CTNND2: variants seen among roughly 807,000 people sequenced by gnomAD.
The protein encoded by CTNND2 is catenin delta-2.
A neutral mutation model predicts 144.4 loss-of-function variants in CTNND2; 22 were observed. The ratio of observed to expected loss-of-function variants is 0.15; its 90% CI spans 0.11 to 0.22. The LOEUF is 0.22. Among genes scored for constraint, CTNND2 ranks in the 10% least tolerant of loss-of-function variants. CTNND2 has a pLI of 1.00. For missense variants in CTNND2, 1,353 were observed against 1,618.8 expected, an observed-to-expected ratio of 0.84 and a Z score of 2.82; for synonymous variants, 751 against 695.6, an observed-to-expected ratio of 1.08 and a Z score of -1.25.
At position 11,903,360 on chromosome 5, in the gene CTNND2, A is replaced by G. The variant is rs1738063156; in HGVS notation, c.37+457T>C. Reference sequence around the variant, plus strand: ...TGGACGCATATGACTAAGTCTTTCCATTTTGTTCTAGCCAAACATCGTAAT... The same window carrying G: ...TGGACGCATATGACTAAGTCTTTCCGTTTTGTTCTAGCCAAACATCGTAAT... On this transcript the variant is annotated intron_variant, in intron 1 of 21. Transcript: ENST00000304623. The surrounding 1 kb of genome is among the most constrained non-coding windows in gnomAD (Gnocchi z 5.4). 10 of 992,110 alleles carry G rather than the reference A, an allele frequency of 1.0e-5. No homozygotes were observed. Among genetic ancestry groups the G allele is most frequent in the Non-Finnish European group, 1.2e-5 (10 of 834,656 alleles). 61.5% of individuals were successfully genotyped at this position (992,110 alleles called of 1,614,324 possible).
chr5:11,330,657 C>G lies in CTNND2; in HGVS notation c.1628+15715G>C, dbSNP rs761247559. 2.6e-5 allele frequency among the ~76,000 whole-genome samples: 4 copies of G among 151,664 alleles called. 1 individual carries two copies. Among genetic ancestry groups the G allele is most frequent in the African/African-American group, 2.4e-5 (1 of 41,338 alleles). On this transcript the variant is annotated intron_variant, in intron 9 of 21. Transcript: ENST00000304623. ...TGACCAACATGATGAACCCCCACCC[C>G]CTGTCTCTACTAAAAATGCAAAATT... is the stretch of plus-strand genomic sequence containing the variant.
At chr5:11,558,415 G>A (rs1192213666) in intron 3 of CTNND2, among the ~76,000 whole-genome samples, 1 of 151,772 alleles carries the variant, frequency 6.6e-6, no homozygotes, top group African/African-American at 2.4e-5. Flanking sequence ...GCCCAGGCTG[G>A]AGTGCAGTGG....
intron 2 of CTNND2, among the ~76,000 whole-genome samples, chr5:11,669,124 G>A (rs761461624): frequency 2.9e-4 from 44 of 152,082 alleles, no homozygotes; most frequent in Non-Finnish European, 4.6e-4. Flanking sequence ...CGACTTGATC[G>A]TGGTGGATAA....
chr5:11,089,693 C>T (rs1277707777), intron 15 of CTNND2, among the ~76,000 whole-genome samples: 1 of 152,196 alleles, frequency 6.6e-6, no homozygotes, highest in Non-Finnish European at 1.5e-5. Context: ...TAACCACTTC[C>T]ACAAAACGAC....
chr5:10,976,770 A>G (rs972566798), intron 21 of CTNND2, among the ~76,000 whole-genome samples: 1 of 152,222 alleles, frequency 6.6e-6, no homozygotes, highest in Non-Finnish European at 1.5e-5. Flanking sequence ...TTTGCCAGGA[A>G]ACTGGATTTA....
chr5:11,548,453 A>G (rs1371192675), intron 3 of CTNND2, among the ~76,000 whole-genome samples: 2 of 152,242 alleles, frequency 1.3e-5, no homozygotes, highest in Non-Finnish European at 2.9e-5. Context: ...CTATCTTAAA[A>G]TATAAGATTT....
At chr5:10,981,401 C>T (rs1033092723) in intron 21 of CTNND2, among the ~76,000 whole-genome samples, 1 of 152,192 alleles carries the variant, frequency 6.6e-6, no homozygotes, top group Non-Finnish European at 1.5e-5. Context: ...AATGCATTTG[C>T]AGGGTTACAG....
intron 2 of CTNND2, among the ~76,000 whole-genome samples, chr5:11,622,343 C>A (rs1011977231): frequency 3.3e-5 from 5 of 152,044 alleles, no homozygotes; most frequent in Non-Finnish European, 7.4e-5. Flanking sequence ...GATGACTGTA[C>A]CCTTGATTGA....
chr5:11,539,027 G>C (rs998487534), intron 3 of CTNND2, among the ~76,000 whole-genome samples: 25 of 151,898 alleles, frequency 1.6e-4, no homozygotes, highest in African/African-American at 5.1e-4. Flanking sequence ...TAATATTATT[G>C]CCATTAATTG....
intron 8 of CTNND2, among the ~76,000 whole-genome samples, chr5:11,359,606 G>A (rs140834898): frequency 2.9e-3 from 443 of 152,230 alleles, no homozygotes; most frequent in African/African-American, 7.8e-3. Context: ...TGGAGTCCTC[G>A]GGCAGGTGGG....
intron 1 of CTNND2, among the ~76,000 whole-genome samples, chr5:11,816,125 C>G (rs528003078): frequency 6.6e-6 from 1 of 152,328 alleles, no homozygotes; most frequent in South Asian, 2.1e-4. Context: ...GGGGCTGCCA[C>G]TTGCCTCCTG....
At chr5:11,596,735 G>C (rs115399240) in intron 2 of CTNND2, among the ~76,000 whole-genome samples, 2 of 152,246 alleles carry the variant, frequency 1.3e-5, no homozygotes, top group East Asian at 1.9e-4. Flanking sequence ...GTTCAGATGC[G>C]TAGAGGGTAG....
chr5:11,062,767 G>A (rs966343255), intron 16 of CTNND2, among the ~76,000 whole-genome samples: 11 of 152,268 alleles, frequency 7.2e-5, no homozygotes, highest in East Asian at 5.8e-4. Flanking sequence ...TCAGATTCTC[G>A]ACCTCCTTAT....
At chr5:11,335,097 C>T (rs1007674679) in intron 9 of CTNND2, among the ~76,000 whole-genome samples, 1 of 152,190 alleles carries the variant, frequency 6.6e-6, no homozygotes, top group Admixed American at 6.5e-5. Context: ...TGCTAAAGCA[C>T]ACTTGGTTCA....
At chr5:11,229,998 C>G (rs1740823057) in intron 10 of CTNND2, among the ~76,000 whole-genome samples, 2 of 151,786 alleles carry the variant, frequency 1.3e-5, no homozygotes, top group African/African-American at 4.8e-5. Context: ...CAATGGGATA[C>G]TCATAATATT....
At chr5:11,160,604 G>GA (rs1005089962) in intron 11 of CTNND2, among the ~76,000 whole-genome samples, 1 of 151,712 alleles carries the variant, frequency 6.6e-6, no homozygotes, top group Admixed American at 6.6e-5. Flanking sequence ...TCTACATAAA[G>GA]AAAAAAAGGA....
intron 16 of CTNND2, among the ~76,000 whole-genome samples, chr5:11,036,739 C>A (rs764419149): frequency 6.6e-6 from 1 of 152,158 alleles, no homozygotes; most frequent in Non-Finnish European, 1.5e-5. Context: ...ACCATCTTTG[C>A]GGTTTCTCAG....
chr5:11,732,007 A>G, intron 2 of CTNND2, 129 bp downstream of exon 2: 1 of 705,758 alleles, frequency 1.4e-6, no homozygotes, highest in South Asian at 3.3e-5. Flanking sequence ...TTATTTATAT[A>G]ATAAATACCA....
intron 1 of CTNND2, among the ~76,000 whole-genome samples, chr5:11,737,841 A>G (rs1307208865): frequency 6.6e-6 from 1 of 152,212 alleles, no homozygotes; most frequent in Non-Finnish European, 1.5e-5. Context: ...ACAGAAAGCC[A>G]TAAGTAGGCA....
Sources: allele counts gnomAD v4.1 joint callset (sites outside exome capture counted in the v4.1 genomes callset), GRCh38; gene constraint gnomAD v4.1.1; non-coding constraint Gnocchi (gnomAD v3.1); transcripts MANE v1.5; gene names NCBI Gene and HGNC (gene_info 2026-07-23, HGNC 2026-07-21).